The following CSMD1 variants were observed in gnomAD, a reference collection of about 807,000 sequenced individuals.
CSMD1 encodes the protein CUB and Sushi multiple domains 1.
In CSMD1, 213 loss-of-function variants were observed where a neutral mutation model predicts 417.5. The observed-to-expected ratio is 0.51, with a 90% CI of 0.46 to 0.57. The LOEUF is 0.57. Among genes scored for constraint, CSMD1 ranks in the 20% least tolerant of loss-of-function variants. The pLI, the probability that CSMD1 is intolerant of heterozygous loss-of-function variation, is 0.00. For synonymous variants in CSMD1, 2,862 were observed against 1,736.8 expected (o/e 1.65, Z -16.11); for missense variants, 6,923 against 4,529.7 (o/e 1.53, Z -15.17).
intron 2 of CSMD1, among the ~76,000 whole-genome samples, chr8:4,607,599 C>T (rs79001845): frequency 0.023 from 3,498 of 152,240 alleles, 72 homozygotes; most frequent in South Asian, 0.061. Context: ...ACTCCATGTC[C>T]GCCAACATCA....
At chr8:3,642,385 G>C (rs114241245) in intron 7 of CSMD1, among the ~76,000 whole-genome samples, 5 of 152,196 alleles carry the variant, frequency 3.3e-5, no homozygotes, top group Admixed American at 6.5e-5. Context: ...ATAACCTTAA[G>C]TCCACTTTCC....
intron 26 of CSMD1, among the ~76,000 whole-genome samples, chr8:3,235,181 G>C (rs1799078694): frequency 6.6e-6 from 1 of 152,134 alleles, no homozygotes; most frequent in South Asian, 2.1e-4. Flanking sequence ...ACAATGAAAT[G>C]AATGTTATAT....
At chr8:4,622,158 G>C (rs1801818272) in intron 2 of CSMD1, among the ~76,000 whole-genome samples, 1 of 148,214 alleles carries the variant, frequency 6.7e-6, no homozygotes, top group Admixed American at 6.7e-5. Flanking sequence ...AACGCAAAGA[G>C]GGGTAAAGAG....
At chr8:3,530,883 A>G (rs1278752412) in intron 10 of CSMD1, among the ~76,000 whole-genome samples, 1 of 148,310 alleles carries the variant, frequency 6.7e-6, no homozygotes, top group Non-Finnish European at 1.5e-5. Context: ...TTTAAGATGG[A>G]GTCTCATTCT....
At chr8:2,962,274 G>A (rs1292779394) in intron 61 of CSMD1, among the ~76,000 whole-genome samples, 192 bp downstream of exon 61, 1 of 152,190 alleles carries the variant, frequency 6.6e-6, no homozygotes, top group Non-Finnish European at 1.5e-5. Flanking sequence ...TATTTTGCAT[G>A]ATTTAAAAGA....
chr8:4,322,900 G>T (rs542844456), intron 3 of CSMD1, among the ~76,000 whole-genome samples: 1 of 152,122 alleles, frequency 6.6e-6, no homozygotes, highest in Non-Finnish European at 1.5e-5. Flanking sequence ...CAGGAGAATC[G>T]CTTGAACCCT....
chr8:3,210,317 T>C (rs1269257484), intron 30 of CSMD1, among the ~76,000 whole-genome samples: 1 of 123,648 alleles, frequency 8.1e-6, no homozygotes, highest in Non-Finnish European at 1.7e-5. Flanking sequence ...TCATGCGCTG[T>C]GCTCTTTGAT....
intron 7 of CSMD1, among the ~76,000 whole-genome samples, chr8:3,632,231 T>C (rs1289752471): frequency 6.6e-6 from 1 of 152,236 alleles, no homozygotes. Context: ...CAATCATTTC[T>C]AGGGCTGGGC....
intron 10 of CSMD1, among the ~76,000 whole-genome samples, chr8:3,524,254 T>A (rs187762380): frequency 7.8e-6 from 1 of 128,772 alleles, no homozygotes; most frequent in Non-Finnish European, 1.7e-5. Context: ...CCCAGAGACA[T>A]ACACACAAGC....
rs375857748 is a variant in CSMD1, at chr8:3,948,383, G to A, written c.818+49520C>T. Among the ~76,000 whole-genome samples the A allele has an allele frequency of 6.6e-5, 10 of 152,296 alleles. No homozygotes were observed. In the East Asian group the frequency reaches 1.2e-3, roughly 18 times the overall value. On this transcript the variant is annotated intron_variant, in intron 5 of 69. Coordinates refer to ENST00000635120, the MANE Select transcript of CSMD1 (RefSeq NM_033225.6). ...TGAAGAGCACTTTGGAAGCACTGAT[G>A]CATACAGGAGAGGGAGGGAGAACAA...
chr8:4,086,972 G>A (rs547709398), intron 3 of CSMD1, among the ~76,000 whole-genome samples: 2 of 152,314 alleles, frequency 1.3e-5, no homozygotes, highest in African/African-American at 2.4e-5. Flanking sequence ...AGATTGCTCT[G>A]AGCTTCTGTT....
intron 36 of CSMD1, among the ~76,000 whole-genome samples, chr8:3,182,138 T>C (rs571895144): frequency 6.6e-6 from 1 of 152,194 alleles, no homozygotes; most frequent in South Asian, 2.1e-4. Context: ...ATAATTTAAA[T>C]AACAAAGCAA....
intron 3 of CSMD1, among the ~76,000 whole-genome samples, chr8:4,088,616 C>T (rs1201512269): frequency 6.6e-6 from 1 of 152,120 alleles, no homozygotes; most frequent in East Asian, 1.9e-4. Flanking sequence ...TCTCCCCTTC[C>T]CACCCAACCA....
chr8:4,173,251 T>G (rs532849451), intron 3 of CSMD1, among the ~76,000 whole-genome samples: 1 of 152,206 alleles, frequency 6.6e-6, no homozygotes, highest in Non-Finnish European at 1.5e-5. Flanking sequence ...TCACGCAACA[T>G]TTGGAATGTA....
chr8:3,381,249 G>A (rs539404296), intron 18 of CSMD1, among the ~76,000 whole-genome samples: 27 of 151,370 alleles, frequency 1.8e-4, no homozygotes, highest in African/African-American at 6.5e-4. Flanking sequence ...GTCGGTACCT[G>A]TTCAACAGAT....
intron 50 of CSMD1, among the ~76,000 whole-genome samples, chr8:3,031,841 G>C (rs1179549170): frequency 6.9e-6 from 1 of 145,438 alleles, no homozygotes; most frequent in Non-Finnish European, 1.5e-5. Flanking sequence ...TCTTAGGCTA[G>C]TTTGATTATT....
chr8:3,186,085 C>T (rs983465786), intron 36 of CSMD1, among the ~76,000 whole-genome samples: 8 of 150,014 alleles, frequency 5.3e-5, no homozygotes, highest in Non-Finnish European at 1.2e-4. Context: ...CACCCATCAC[C>T]TACCTGTAAT....
intron 2 of CSMD1, among the ~76,000 whole-genome samples, chr8:4,467,661 C>G (rs1004352355): frequency 1.2e-4 from 18 of 152,188 alleles, no homozygotes; most frequent in African/African-American, 3.6e-4. Flanking sequence ...TTCTTGTCCA[C>G]ATGAACCAAA....
At chr8:3,043,798 T>G (rs1585214870) in intron 50 of CSMD1, 1 of 152,386 alleles carries the variant, frequency 6.6e-6, no homozygotes, top group African/African-American at 2.4e-5. Flanking sequence ...AAACACATTA[T>G]AAGGCAAACA....
Sources: allele counts gnomAD v4.1 joint callset (sites outside exome capture counted in the v4.1 genomes callset), GRCh38; gene constraint gnomAD v4.1.1; transcripts MANE v1.5; gene names NCBI Gene and HGNC (gene_info 2026-07-23, HGNC 2026-07-21).